The following MYO16 variants were observed in gnomAD, a reference collection of about 807,000 sequenced individuals.
The protein encoded by MYO16 is myosin XVI.
A neutral mutation model predicts 205.3 loss-of-function variants in MYO16; 94 were observed. The observed-to-expected ratio is 0.46, with a 90% CI of 0.39 to 0.54. The LOEUF (loss-of-function observed/expected upper bound fraction) is 0.54, where lower values mean the gene tolerates loss of function less well. Among genes scored for constraint, MYO16 ranks in the 20% least tolerant of loss-of-function variants. MYO16 has a pLI of 0.00. For missense variants in MYO16, 2,315 were observed against 2,387.5 expected (o/e 0.97, Z 0.63); for synonymous variants, 988 against 954.0 (o/e 1.04, Z -0.66).
intron 9 of MYO16, among the ~76,000 whole-genome samples, chr13:108,830,431 T>TA (rs1193744032): frequency 1.3e-5 from 2 of 151,046 alleles, no homozygotes; most frequent in African/African-American, 4.9e-5. Flanking sequence ...TGTGCAGCCA[T>TA]AAAAAAGGAT....
chr13:109,171,586 T>G (rs1276377252), intron 33 of MYO16, among the ~76,000 whole-genome samples: 1 of 152,224 alleles, frequency 6.6e-6, no homozygotes. Context: ...AGCGCAGACT[T>G]GGATCTTTTT....
chr13:108,554,292 T>C, the MYO16 span, among the ~76,000 whole-genome samples: 2 of 152,190 alleles, frequency 1.3e-5, no homozygotes, highest in Non-Finnish European at 2.9e-5. Flanking sequence ...CTTGTGCTTT[T>C]ATCATCAACA....
At chr13:108,866,291 C>A (rs2139125566) in intron 12 of MYO16, 49 bp downstream of exon 12, 1 of 1,195,662 alleles carries the variant, frequency 8.4e-7, no homozygotes, top group African/African-American at 1.5e-5. Flanking sequence ...GTAATACTTT[C>A]TAGTCATACA....
chr13:108,916,525 G>A (rs536768171), intron 16 of MYO16, among the ~76,000 whole-genome samples: 1 of 152,334 alleles, frequency 6.6e-6, no homozygotes, highest in South Asian at 2.1e-4. Flanking sequence ...CATTGCTGAA[G>A]CAAAACTAAC....
chr13:108,897,580 A>G (rs771447561), intron 14 of MYO16, among the ~76,000 whole-genome samples: 1 of 152,248 alleles, frequency 6.6e-6, no homozygotes, highest in Non-Finnish European at 1.5e-5. Context: ...GGAATGTTCT[A>G]TGCCAATGTT....
chr13:108,570,285 A>G, the MYO16 span, among the ~76,000 whole-genome samples: 60 of 151,626 alleles, frequency 4.0e-4, no homozygotes, highest in African/African-American at 1.4e-3. Context: ...ATCTTGTTCT[A>G]TCACCCAGGC....
At chr13:109,102,004 AAG>A (rs1402065441) in intron 28 of MYO16, 3 of 152,230 alleles carry the variant, frequency 2.0e-5, no homozygotes, top group African/African-American at 7.2e-5. Context: ...GTCTATGACA[AAG>A]AACAAAGAAC....
At chr13:108,662,134 A>C (rs754129241) in intron 1 of MYO16, among the ~76,000 whole-genome samples, 17 of 152,168 alleles carry the variant, frequency 1.1e-4, no homozygotes, top group Non-Finnish European at 1.9e-4. Flanking sequence ...CTGTTACATA[A>C]ATTGTCTATG....
intron 20 of MYO16, among the ~76,000 whole-genome samples, chr13:108,974,668 T>C (rs1884186410): frequency 6.6e-6 from 1 of 152,346 alleles, no homozygotes; most frequent in African/African-American, 2.4e-5. Context: ...AAATTTGTGA[T>C]TTTAAAAACA....
intron 4 of MYO16, among the ~76,000 whole-genome samples, chr13:108,767,586 G>A (rs1566595052): frequency 6.6e-6 from 1 of 152,036 alleles, no homozygotes; most frequent in South Asian, 2.1e-4. Flanking sequence ...AATACCATTT[G>A]CAAGCATTTC....
chr13:108,795,559 G>A (rs936636858), intron 6 of MYO16, among the ~76,000 whole-genome samples: 2 of 152,028 alleles, frequency 1.3e-5, no homozygotes, highest in South Asian at 2.1e-4. Flanking sequence ...TTCCAAAATC[G>A]ATATTTATAA....
chr13:108,990,147 TACAC>T (rs56975148), intron 20 of MYO16, among the ~76,000 whole-genome samples: 60,260 of 148,202 alleles, frequency 0.41, 12,368 homozygotes, highest in East Asian at 0.63. Context: ...ACACAGACAA[TACAC>T]ACACACACAC....
chr13:108,659,260 A>G (rs962340027), intron 1 of MYO16: 2 of 172,730 alleles, frequency 1.2e-5, no homozygotes, highest in African/African-American at 4.9e-5. Flanking sequence ...TATATGATAT[A>G]TATATATCAT....
intron 4 of MYO16, among the ~76,000 whole-genome samples, chr13:108,766,292 G>A (rs1394448604): frequency 6.6e-6 from 1 of 152,186 alleles, no homozygotes; most frequent in Non-Finnish European, 1.5e-5. Flanking sequence ...TTTGACTCAA[G>A]TACGATAGAG....
At position 109,140,421 on chromosome 13, in the gene MYO16, G is replaced by T. The variant is rs1246479647; in HGVS notation, c.4209G>T (p.Gly1403=). 1.3e-6 allele frequency: 2 copies of T among 1,572,012 alleles called. No individual in the cohort carries two copies. Among genetic ancestry groups the T allele is most frequent in the East Asian group, 2.3e-5 (1 of 42,680 alleles). ...ACGCGAGGCCCGCGGGCGCCCCGGG[G>T]GCAGCAGCGCGCGTTCTGACCCCCG... ...PGDARPAGAP[G]AAARVLTPGT... Residue 1403 remains glycine, a synonymous_variant, in exon 32 of 35, where the codon GGG becomes GGT. Coordinates refer to ENST00000457511, the MANE Select transcript of MYO16 (RefSeq NM_001198950.3). This position sits in a 1 kb window ranked among gnomAD's most constrained non-coding sequence, Gnocchi z 8.0.
chr13:109,195,802 A>C (rs541983958), intron 34 of MYO16, among the ~76,000 whole-genome samples: 4 of 152,298 alleles, frequency 2.6e-5, no homozygotes, highest in Admixed American at 1.3e-4. Context: ...GAAAGACTTA[A>C]GTTAAAAATC....
intron 27 of MYO16, among the ~76,000 whole-genome samples, chr13:109,075,392 T>G (rs1407530485): frequency 6.6e-6 from 1 of 152,016 alleles, no homozygotes; most frequent in African/African-American, 2.4e-5. Flanking sequence ...TTTTTTTTTC[T>G]TTTTCTTTTT....
intron 15 of MYO16, among the ~76,000 whole-genome samples, chr13:108,906,335 A>G (rs1221598379): frequency 6.6e-6 from 1 of 152,312 alleles, no homozygotes; most frequent in East Asian, 1.9e-4. Context: ...ACAATAAAAA[A>G]TATCTTCCAG....
intron 6 of MYO16, among the ~76,000 whole-genome samples, chr13:108,804,030 C>T (rs1887041316): frequency 6.6e-6 from 1 of 152,146 alleles, no homozygotes; most frequent in South Asian, 2.1e-4. Context: ...TGTGTGTCCA[C>T]TCTTCTGTGC....
Sources: allele counts gnomAD v4.1 joint callset (sites outside exome capture counted in the v4.1 genomes callset), GRCh38; gene constraint gnomAD v4.1.1; non-coding constraint Gnocchi (gnomAD v3.1); transcripts MANE v1.5; gene names NCBI Gene and HGNC (gene_info 2026-07-23, HGNC 2026-07-21).